The following OPRD1 variants were observed in gnomAD, a reference collection of about 807,000 sequenced individuals.
OPRD1 encodes opioid receptor delta 1.
OPRD1 carries 19 observed loss-of-function variants against 17.5 expected under a neutral mutation model. That is an observed-to-expected ratio of 1.09 (90% CI 0.76 to 1.60). The LOEUF (loss-of-function observed/expected upper bound fraction) is 1.60, where lower values mean the gene tolerates loss of function less well. OPRD1 is among the 40% of genes most tolerant of loss of function. The pLI is 0.00. For synonymous variants in OPRD1, 256 were observed against 240.9 expected (o/e 1.06, Z -0.58); for missense variants, 483 against 547.2 (o/e 0.88, Z 1.17).
At chr1:28,840,504 G>A (rs545742901) in intron 1 of OPRD1, among the ~76,000 whole-genome samples, 1 of 152,154 alleles carries the variant, frequency 6.6e-6, no homozygotes, top group African/African-American at 2.4e-5. Flanking sequence ...CTGGGATTTC[G>A]GGGAAAAGCA....
intron 1 of OPRD1, among the ~76,000 whole-genome samples, chr1:28,813,975 G>A (rs59003854): frequency 0.045 from 6,891 of 152,194 alleles, 465 homozygotes; most frequent in African/African-American, 0.15. Context: ...GTGGTGTGTT[G>A]GAGCATGGGA....
intron 1 of OPRD1, among the ~76,000 whole-genome samples, chr1:28,823,547 C>T (rs1208322583): frequency 1.3e-5 from 2 of 152,014 alleles, no homozygotes; most frequent in Non-Finnish European, 2.9e-5. Context: ...CAGGTACGCA[C>T]ACCATGCCTG....
chr1:28,821,516 T>A (rs1376984915), intron 1 of OPRD1, among the ~76,000 whole-genome samples: 1 of 152,076 alleles, frequency 6.6e-6, no homozygotes, highest in Admixed American at 6.6e-5. Context: ...GGGATTACAG[T>A]CATGAGCCGA....
At chr1:28,819,203 A>G (rs1273339063) in intron 1 of OPRD1, among the ~76,000 whole-genome samples, 1 of 152,062 alleles carries the variant, frequency 6.6e-6, no homozygotes, top group Non-Finnish European at 1.5e-5. Flanking sequence ...GAAGCTGTGC[A>G]TGGTGGTGCA....
chr1:28,838,077 T>A (rs1332218396), intron 1 of OPRD1, among the ~76,000 whole-genome samples: 1 of 151,812 alleles, frequency 6.6e-6, no homozygotes, highest in African/African-American at 2.4e-5. Flanking sequence ...TCTGTAAATG[T>A]CATAGTAGCA....
chr1:28,856,109 A>G (rs371754761), intron 1 of OPRD1, among the ~76,000 whole-genome samples: 1 of 152,202 alleles, frequency 6.6e-6, no homozygotes. Flanking sequence ...GGAGGCATAC[A>G]GTATGGGGCC....
At chr1:28,850,057 T>C (rs1363419103) in intron 1 of OPRD1, among the ~76,000 whole-genome samples, 1 of 151,928 alleles carries the variant, frequency 6.6e-6, no homozygotes, top group African/African-American at 2.4e-5. Flanking sequence ...TTTTTTTGTA[T>C]TTGTAGTGGA....
intron 1 of OPRD1, among the ~76,000 whole-genome samples, chr1:28,832,474 A>G (rs566792988): frequency 6.6e-6 from 1 of 152,178 alleles, no homozygotes; most frequent in South Asian, 2.1e-4. Context: ...AAAATTAGCC[A>G]GGAATGGTGG....
chr1:28,823,780 C>T (rs1300854804), intron 1 of OPRD1, among the ~76,000 whole-genome samples: 10 of 151,588 alleles, frequency 6.6e-5, no homozygotes, highest in African/African-American at 1.9e-4. Context: ...TCCACCCACC[C>T]GGCCTCCCAA....
rs979690276 is a variant in OPRD1, at chr1:28,863,131, G to A, written c.967G>A (p.Glu323Lys). Residue 323 changes from glutamate (E) to lysine (K), a missense_variant, in exon 3 of 3, where the codon GAG becomes AAG. By Grantham distance (56) the Glu-to-Lys change is moderately conservative. Coordinates refer to ENST00000234961, the MANE Select transcript of OPRD1 (RefSeq NM_000911.4). ...LNPVLYAFLD[E>K]NFKRCFRQLC... Reference sequence around the variant, plus strand: ...CCCCGTGCTCTACGCTTTCCTCGACGAGAACTTCAAGCGCTGCTTCCGCCA... The same window carrying A: ...CCCCGTGCTCTACGCTTTCCTCGACAAGAACTTCAAGCGCTGCTTCCGCCA... 8.1e-6 allele frequency: 13 copies of A among 1,609,310 alleles called. No individual in the cohort carries two copies. Among genetic ancestry groups the A allele is most frequent in the South Asian group, 1.1e-5 (1 of 90,774 alleles).
intron 1 of OPRD1, among the ~76,000 whole-genome samples, chr1:28,824,870 T>C (rs1484675574): frequency 1.3e-5 from 2 of 150,396 alleles, no homozygotes; most frequent in African/African-American, 4.9e-5. Flanking sequence ...CTCGCTCTGT[T>C]GCCCATGCTG....
At chr1:28,823,391 A>G (rs1411279049) in intron 1 of OPRD1, among the ~76,000 whole-genome samples, 1 of 143,020 alleles carries the variant, frequency 7.0e-6, no homozygotes, top group African/African-American at 2.6e-5. Context: ...TTGTTTGTTT[A>G]TTTATTTATT....
At chr1:28,818,100 C>T (rs147024252) in intron 1 of OPRD1, among the ~76,000 whole-genome samples, 1 of 152,330 alleles carries the variant, frequency 6.6e-6, no homozygotes, top group East Asian at 1.9e-4. Context: ...AAGGCTGTAG[C>T]ATAGCACCTG....
chr1:28,857,391 G>A (rs1217956951), intron 1 of OPRD1, among the ~76,000 whole-genome samples: 1 of 152,150 alleles, frequency 6.6e-6, no homozygotes, highest in Non-Finnish European at 1.5e-5. Flanking sequence ...TTTGCTTTCT[G>A]CTGGAGCCCA....
Position 28,859,234 on chromosome 1 carries a change from A to G in OPRD1, c.508A>G (p.Ile170Val). Reference sequence around the variant, plus strand: ...GCCTGCCAAGGCCAAGCTGATCAACATCTGTATCTGGGTCCTGGCCTCAGG... The same window carrying G: ...GCCTGCCAAGGCCAAGCTGATCAACGTCTGTATCTGGGTCCTGGCCTCAGG... Reference protein sequence around the residue: ...RTPAKAKLINICIWVLASGVG... With the variant: ...RTPAKAKLINVCIWVLASGVG... Residue 170 changes from isoleucine to valine, a missense_variant, in exon 2 of 3, where the codon ATC becomes GTC. Coordinates refer to ENST00000234961, the MANE Select transcript of OPRD1 (RefSeq NM_000911.4). The G allele has an allele frequency of 6.2e-7, 1 of 1,614,228 alleles. No individual in the cohort carries two copies. Among genetic ancestry groups the G allele is most frequent in the Non-Finnish European group, 8.5e-7 (1 of 1,180,052 alleles).
rs957657113 is a variant in OPRD1, at chr1:28,864,639, A to T, written c.*1356A>T. On this transcript the variant is annotated 3_prime_UTR_variant, in exon 3 of 3. Transcript: ENST00000234961. ...CTTCAAGGTTAGGTCTTCCAGTGGA[A>T]GGTGGATGCTTTCTGTGAGTCCCCA... 6.6e-6 allele frequency: 1 copy of T among 151,550 alleles called. No individual in the cohort carries two copies. The highest frequency in any genetic ancestry group is 2.4e-5 in the African/African-American group (1 of 41,208). The allele number at this position is 151,550 out of a possible 1,614,324, so 9.4% of individuals were successfully genotyped here.
chr1:28,817,871 G>C (rs751039206), intron 1 of OPRD1, among the ~76,000 whole-genome samples: 3 of 136,462 alleles, frequency 2.2e-5, no homozygotes, highest in Non-Finnish European at 4.7e-5. Flanking sequence ...CGCCCAACTA[G>C]TTTTTGTGTT....
chr1:28,815,125 C>T (rs2088662876), intron 1 of OPRD1, among the ~76,000 whole-genome samples: 1 of 152,094 alleles, frequency 6.6e-6, no homozygotes, highest in East Asian at 1.9e-4. Context: ...TGTCCCTCCT[C>T]TTTTATTTTT....
At chr1:28,841,422 T>C (rs1246748654) in intron 1 of OPRD1, among the ~76,000 whole-genome samples, 1 of 152,220 alleles carries the variant, frequency 6.6e-6, no homozygotes, top group Non-Finnish European at 1.5e-5. Context: ...GTTATGAGCT[T>C]AGGCTCTGGA....
Sources: allele counts gnomAD v4.1 joint callset (sites outside exome capture counted in the v4.1 genomes callset), GRCh38; gene constraint gnomAD v4.1.1; transcripts MANE v1.5; gene names NCBI Gene and HGNC (gene_info 2026-07-23, HGNC 2026-07-21).